The following KCND3 variants were observed in gnomAD, a reference collection of about 807,000 sequenced individuals.
The protein encoded by KCND3 is potassium voltage-gated channel subfamily D member 3.
In KCND3, 9 loss-of-function variants were observed where a neutral mutation model predicts 51.1. That is an observed-to-expected ratio of 0.18 (90% confidence interval 0.11 to 0.31). The LOEUF is 0.31. Among genes scored for constraint, KCND3 ranks in the 10% least tolerant of loss-of-function variants. The pLI is 1.00. For synonymous variants in KCND3, 349 were observed against 368.0 expected, an observed-to-expected ratio of 0.95 and a Z score of 0.59; for missense variants, 526 against 903.8, an observed-to-expected ratio of 0.58 and a Z score of 5.36.
At chr1:111,974,903 G>A (rs1312852711) in intron 2 of KCND3, among the ~76,000 whole-genome samples, 1 of 152,238 alleles carries the variant, frequency 6.6e-6, no homozygotes, top group Non-Finnish European at 1.5e-5. Flanking sequence ...AATTTGAATT[G>A]CTGAATCAGA....
intron 2 of KCND3, among the ~76,000 whole-genome samples, chr1:111,872,486 C>T (rs570361272): frequency 6.6e-6 from 1 of 152,172 alleles, no homozygotes; most frequent in Non-Finnish European, 1.5e-5. Context: ...CTACAAGGCA[C>T]ACTTTGGGAA....
Position 111,871,383 on chromosome 1 carries a change from A to C in KCND3, c.1107-84277T>G, listed in dbSNP as rs148527921. On this transcript the variant is annotated intron_variant, in intron 2 of 7. Coordinates refer to ENST00000302127, the MANE Select transcript of KCND3 (RefSeq NM_001378969.1). ...CATGGATGAGGCAGAGAAAACACAG[A>C]CAAGGAAATGGAGTTCAGAGCCAGC... Among the ~76,000 whole-genome samples the C allele has an allele frequency of 8.5e-5, 13 of 152,338 alleles. No individual in the cohort carries two copies. The East Asian group carries it at 2.5e-3, about 29-fold the overall frequency.
At position 111,771,798 on chromosome 1, in the gene KCND3, A is replaced by T. The variant is rs557530960; in HGVS notation, c.*4279T>A. 22 of 152,346 alleles carry T rather than the reference A, an allele frequency of 1.4e-4. No individual in the cohort carries two copies. Among genetic ancestry groups the T allele is most frequent in the South Asian group, 2.1e-4 (1 of 4,828 alleles). The allele number at this position is 152,346 out of a possible 1,614,324, so 9.4% of individuals were successfully genotyped here. On this transcript the variant is annotated 3_prime_UTR_variant, in exon 8 of 8. Transcript: ENST00000302127. The stretch of plus-strand genomic sequence containing the variant: ...TGTGTGATTGTAAACTAATGTGTTC[A>T]ACTGTCACTGAGAATATCTATTGGT...
chr1:111,885,960 C>T (rs1182853979), intron 2 of KCND3, among the ~76,000 whole-genome samples: 2 of 152,172 alleles, frequency 1.3e-5, no homozygotes, highest in African/African-American at 2.4e-5. Context: ...CGTGAGCCAC[C>T]GTACCCAGCT....
intron 2 of KCND3, among the ~76,000 whole-genome samples, chr1:111,804,985 C>CGT (rs1397444279): frequency 6.6e-6 from 1 of 152,174 alleles, no homozygotes; most frequent in Non-Finnish European, 1.5e-5. Flanking sequence ...CCTGAGGGCC[C>CGT]GTGTGAGTGG....
chr1:111,809,949 T>C (rs1424890899), intron 2 of KCND3, among the ~76,000 whole-genome samples: 1 of 152,058 alleles, frequency 6.6e-6, no homozygotes, highest in Admixed American at 6.6e-5. Flanking sequence ...AACCAAATGG[T>C]TTTTCCTAGC....
intron 2 of KCND3, among the ~76,000 whole-genome samples, chr1:111,936,659 C>T (rs991106333): frequency 1.3e-5 from 2 of 152,192 alleles, no homozygotes; most frequent in Admixed American, 6.5e-5. Flanking sequence ...CTTGGCTTCA[C>T]TGTGTGGGTG....
intron 2 of KCND3, among the ~76,000 whole-genome samples, chr1:111,826,888 G>C (rs1258048046): frequency 6.6e-6 from 1 of 152,150 alleles, no homozygotes; most frequent in African/African-American, 2.4e-5. Context: ...TGGTACTACA[G>C]GTTGAGTATC....
intron 2 of KCND3, among the ~76,000 whole-genome samples, chr1:111,882,343 G>T (rs192713763): frequency 1.3e-3 from 204 of 152,322 alleles, no homozygotes; most frequent in South Asian, 3.1e-3. Context: ...TCTGGCGTCC[G>T]GTTTGGATGC....
At position 111,967,166 on chromosome 1, in the gene KCND3, A is replaced by C. The variant is rs369556068; in HGVS notation, c.1106+14455T>G. The stretch of plus-strand genomic sequence containing the variant: ...AAAAAAAAAAAAACAAAAACAAAAA[A>C]AAAAACAAAACAAAAACGGGGTCGG... On this transcript the variant is annotated intron_variant, in intron 2 of 7. Coordinates refer to ENST00000302127, the MANE Select transcript of KCND3 (RefSeq NM_001378969.1). Among the ~76,000 whole-genome samples, 1,369 of 151,554 alleles carry C rather than the reference A, an allele frequency of 9.0e-3. 20 individuals carry two copies. The highest frequency in any genetic ancestry group is 0.029 in the African/African-American group (1,187 of 41,242).
intron 2 of KCND3, among the ~76,000 whole-genome samples, chr1:111,836,364 C>A (rs1667065222): frequency 6.6e-6 from 1 of 152,216 alleles, no homozygotes; most frequent in Admixed American, 6.5e-5. Context: ...AGCCCGATCG[C>A]ACTCCCTCCC....
intron 2 of KCND3, among the ~76,000 whole-genome samples, chr1:111,818,140 T>G (rs1666191413): frequency 6.6e-6 from 1 of 151,930 alleles, no homozygotes; most frequent in African/African-American, 2.4e-5. Flanking sequence ...ACCTCCCTCC[T>G]GGGCTGGTGG....
chr1:111,853,950 G>T (rs543722911), intron 2 of KCND3: 1 of 152,324 alleles, frequency 6.6e-6, no homozygotes, highest in Non-Finnish European at 1.5e-5. Context: ...TTTATTCTCT[G>T]TTCACCAGCG....
intron 2 of KCND3, among the ~76,000 whole-genome samples, chr1:111,872,886 C>A (rs1015230739): frequency 6.6e-6 from 1 of 152,216 alleles, no homozygotes; most frequent in South Asian, 2.1e-4. Context: ...ATTCATTCAA[C>A]AACTCCAGGA....
chr1:111,988,129 A>G (rs947189444), intron 1 of KCND3, among the ~76,000 whole-genome samples: 8 of 152,154 alleles, frequency 5.3e-5, no homozygotes, highest in Non-Finnish European at 5.9e-5. Context: ...GCCTCTGGAA[A>G]CTTACTTTCC....
intron 2 of KCND3, among the ~76,000 whole-genome samples, chr1:111,956,393 T>G (rs1364575305): frequency 1.3e-5 from 2 of 152,188 alleles, no homozygotes; most frequent in Non-Finnish European, 1.5e-5. Flanking sequence ...CTGATTAATT[T>G]CCACTGACAA....
In KCND3 at chr1:111,776,203, G is replaced by A. The variant is rs751182609; in HGVS notation, c.1842C>T (p.Ile614=). 6.2e-7 allele frequency: 1 copy of A among 1,614,254 alleles called. No individual in the cohort carries two copies. Among genetic ancestry groups the A allele is most frequent in the East Asian group, 2.2e-5 (1 of 44,890 alleles). Residue 614 remains isoleucine, a synonymous_variant, in exon 8 of 8, where the codon ATC becomes ATT. Coordinates refer to ENST00000302127, the MANE Select transcript of KCND3 (RefSeq NM_001378969.1). The stretch of plus-strand genomic sequence containing the variant: ...GCGCTGGGGGAGTGGGGATGCTGAT[G>A]ATGGCTGTGGTGATCTGGGATGTTT... ...NCKTSQITTA[I]ISIPTPPALT...
chr1:111,879,773 T>C lies in KCND3; in HGVS notation c.1107-92667A>G, dbSNP rs906996072. ...TCCAGTGTTGGCTCATCCAGAAAAT[T>C]TCAAATCCTTGAATTCCAAGGAAAG... On this transcript the variant is annotated intron_variant, in intron 2 of 7. Coordinates refer to ENST00000302127, the MANE Select transcript of KCND3 (RefSeq NM_001378969.1). Among the ~76,000 whole-genome samples the C allele has an allele frequency of 5.3e-5, 8 of 152,324 alleles. No homozygotes were observed. In the East Asian group the frequency reaches 1.5e-3, roughly 29 times the overall value.
chr1:111,770,829 GT>G lies in KCND3; in HGVS notation c.*5247del, dbSNP rs1191069287. On this transcript the variant is annotated 3_prime_UTR_variant, in exon 8 of 8. Coordinates refer to ENST00000302127, the MANE Select transcript of KCND3 (RefSeq NM_001378969.1). Reference sequence around the variant, plus strand: ...GGGTGTTTTTTTTTTTTCATAGAAAGTTTTCATGTTTTATCTTCCTGCAGTT... The same window carrying G: ...GGGTGTTTTTTTTTTTTCATAGAAAGTTTCATGTTTTATCTTCCTGCAGTT... 6.6e-6 allele frequency: 1 copy of G among 151,118 alleles called. No individual in the cohort carries two copies. The highest frequency in any genetic ancestry group is 1.9e-4 in the East Asian group (1 of 5,170). The allele number at this position is 151,118 out of a possible 1,614,324, so 9.4% of individuals were successfully genotyped here. A position where few individuals can be genotyped will look rare whatever the true frequency, so the allele number is the denominator to read the frequency against.
Sources: allele counts gnomAD v4.1 joint callset (sites outside exome capture counted in the v4.1 genomes callset), GRCh38; gene constraint gnomAD v4.1.1; transcripts MANE v1.5; gene names NCBI Gene and HGNC (gene_info 2026-07-23, HGNC 2026-07-21).